MGAM2: variants seen among roughly 807,000 people sequenced by gnomAD.
MGAM2 encodes the protein probable maltase-glucoamylase 2.
MGAM2 carries 98 observed loss-of-function variants against 96.1 expected under a neutral mutation model. That is an observed-to-expected ratio of 1.02 (90% CI 0.87 to 1.21). MGAM2 has a LOEUF of 1.21. MGAM2 is among the 50% of genes most tolerant of loss of function. The probability of loss-of-function intolerance (pLI) is 0.00; values close to 1 mark genes in which losing one functional copy is unlikely to be tolerated. For missense variants in MGAM2, 2,055 were observed against 1,182.4 expected, an observed-to-expected ratio of 1.74 and a Z score of -10.82; for synonymous variants, 749 against 414.8, an observed-to-expected ratio of 1.81 and a Z score of -9.79.
chr7:142,186,110 A>C lies in MGAM2; in HGVS notation c.4109A>C (p.Asp1370Ala), dbSNP rs1308246336. The C allele has an allele frequency of 1.4e-6, 1 of 704,204 alleles. No individual in the cohort carries two copies. Among genetic ancestry groups the C allele is most frequent in the Non-Finnish European group, 2.6e-6 (1 of 384,572 alleles). 43.6% of individuals were successfully genotyped at this position (704,204 alleles called of 1,614,324 possible). ...GAGCCAGAGAAGAGCTTGAAGTTTG[A>C]TGGATTGTGGATTGTAAGTGCACCC... ...PREPEKSLKFDGLWIDMNEPS... is the reference protein window; with the variant it reads ...PREPEKSLKFAGLWIDMNEPS... The change falls in exon 35 of 48, where the codon GAT becomes GCT. Residue 1370 changes from aspartate to alanine, a missense_variant. Coordinates refer to ENST00000477922, the MANE Select transcript of MGAM2 (RefSeq NM_001293626.2).
At chr7:142,113,311 G>T (rs996451731) in intron 1 of MGAM2, among the ~76,000 whole-genome samples, 1 of 152,092 alleles carries the variant, frequency 6.6e-6, no homozygotes, top group Non-Finnish European at 1.5e-5. Flanking sequence ...AGCAGCTGGG[G>T]TTAGGACGTG....
Position 142,220,835 on chromosome 7 carries a change from T to A in MGAM2, c.6324T>A (p.Ser2108Arg). 1.4e-6 allele frequency: 1 copy of A among 702,118 alleles called. No homozygotes were observed. The allele number at this position is 702,118 out of a possible 1,614,324, so 43.5% of individuals were successfully genotyped here. A position where few individuals can be genotyped will look rare whatever the true frequency, so the allele number is the denominator to read the frequency against. The change falls in exon 48 of 48, where the codon AGT becomes AGA. Residue 2108 changes from serine (S) to arginine (R), a missense_variant. Coordinates refer to ENST00000477922, the MANE Select transcript of MGAM2 (RefSeq NM_001293626.2). ...VPISVTPSLT[S>R]TADATISTTV... ...TTTCAGTGACTCCTTCTCTGACAAG[T>A]ACTGCTGATGCCACCATTAGTACTA...
intron 15 of MGAM2, among the ~76,000 whole-genome samples, chr7:142,152,609 C>T (rs1795612789): frequency 6.6e-6 from 1 of 152,108 alleles, no homozygotes; most frequent in Non-Finnish European, 1.5e-5. Context: ...GAGGAATTGC[C>T]TGGTGCCTGG....
intron 23 of MGAM2, among the ~76,000 whole-genome samples, chr7:142,164,511 A>G (rs1795975443): frequency 6.6e-6 from 1 of 152,114 alleles, no homozygotes. Flanking sequence ...GTATATGTGT[A>G]TGTCTTTATC....
At chr7:142,112,568 T>C (rs1817209897) in intron 1 of MGAM2, among the ~76,000 whole-genome samples, 2 of 152,164 alleles carry the variant, frequency 1.3e-5, no homozygotes, top group Admixed American at 6.5e-5. Context: ...CCTACTTCTT[T>C]CTCTACCTGA....
intron 46 of MGAM2, among the ~76,000 whole-genome samples, chr7:142,213,977 T>G (rs764160835): frequency 5.4e-4 from 83 of 152,318 alleles, no homozygotes; most frequent in Non-Finnish European, 9.7e-4. Flanking sequence ...GTTGGCTTCA[T>G]CCTTGGGATG....
chr7:142,201,542 G>T (rs1797233810), intron 45 of MGAM2, among the ~76,000 whole-genome samples: 1 of 152,180 alleles, frequency 6.6e-6, no homozygotes, highest in African/African-American at 2.4e-5. Context: ...AATGTGTACA[G>T]TTGTATAGCC....
At chr7:142,133,849 C>T (rs1180095212) in intron 6 of MGAM2, 132 bp from the exon 7 acceptor site, 3 of 523,106 alleles carry the variant, frequency 5.7e-6, no homozygotes, top group Non-Finnish European at 1.0e-5. Flanking sequence ...GAAAGGCCTT[C>T]AAAGGTAGCA....
chr7:142,114,062 C>T (rs1180921354), intron 1 of MGAM2, among the ~76,000 whole-genome samples: 4 of 150,892 alleles, frequency 2.7e-5, no homozygotes, highest in East Asian at 3.9e-4. Context: ...ACCTGGGTGG[C>T]GGAGGTTGCG....
At position 142,222,215 on chromosome 7, in the gene MGAM2, AC is replaced by A. The variant is rs1797954522; in HGVS notation, c.*157del. ...CATAAAAGACACAGCTACTCCAAAC[AC>A]TCTCGTCATTGCAGACATGTTTAGG... On this transcript the variant is annotated 3_prime_UTR_variant, in exon 48 of 48. Transcript: ENST00000477922. 2.5e-6 allele frequency: 1 copy of A among 393,634 alleles called. No homozygotes were observed. The highest frequency in any genetic ancestry group is 1.4e-4 in the South Asian group (1 of 6,990). 24.4% of individuals were successfully genotyped at this position (393,634 alleles called of 1,614,324 possible). A position where few individuals can be genotyped will look rare whatever the true frequency, so the allele number is the denominator to read the frequency against.
In MGAM2 at chr7:142,136,786, T is replaced by A; in HGVS notation, c.847+146T>A. ...TTTTATTGAAACTGGAACCTGAAAG[T>A]AGGTTAATCTGTCTACAAATCCAGG... is the stretch of plus-strand genomic sequence containing the variant. On this transcript the variant is annotated intron_variant, in intron 8 of 47. Transcript: ENST00000477922. The A allele has an allele frequency of 7.4e-6, 4 of 538,834 alleles. No homozygotes were observed. The East Asian group carries it at 8.8e-5, about 12-fold the overall frequency. The allele number at this position is 538,834 out of a possible 1,614,324, so 33.4% of individuals were successfully genotyped here.
At chr7:142,121,031 T>C (rs1006980715) in intron 3 of MGAM2, among the ~76,000 whole-genome samples, 3 of 152,246 alleles carry the variant, frequency 2.0e-5, no homozygotes, top group Non-Finnish European at 4.4e-5. Flanking sequence ...TTCTAAATTC[T>C]ATATCTTCTT....
At chr7:142,195,087 T>C (rs1465639651) in intron 37 of MGAM2, among the ~76,000 whole-genome samples, 2 of 152,176 alleles carry the variant, frequency 1.3e-5, no homozygotes, top group Non-Finnish European at 2.9e-5. Context: ...GAGTGAATAT[T>C]TCCAAAATGC....
intron 34 of MGAM2, among the ~76,000 whole-genome samples, chr7:142,185,584 CCCTGGATGACAGTCCT>C (rs1162681419): frequency 6.6e-6 from 1 of 151,954 alleles, no homozygotes; most frequent in Non-Finnish European, 1.5e-5. Context: ...GTTCACTTGC[CCCTGGATGACAGTCCT>C]CCTTCATCTC....
At chr7:142,117,534 A>G (rs911930817) in intron 2 of MGAM2, among the ~76,000 whole-genome samples, 1 of 152,160 alleles carries the variant, frequency 6.6e-6, no homozygotes, top group African/African-American at 2.4e-5. Context: ...TGTGTAGTTC[A>G]AAAATGTATT....
chr7:142,185,205 T>C, intron 34 of MGAM2, 66 bp downstream of exon 34: 1 of 686,670 alleles, frequency 1.5e-6, no homozygotes, highest in South Asian at 1.6e-5. Context: ...TTTTTTATCC[T>C]GATGAATAAG....
At chr7:142,183,230 T>G in intron 32 of MGAM2, 36 bp from the exon 33 acceptor site, 4 of 686,768 alleles carry the variant, frequency 5.8e-6, no homozygotes, top group Non-Finnish European at 1.1e-5. Context: ...AGAGATGTTT[T>G]CCTCACATTT....
intron 3 of MGAM2, among the ~76,000 whole-genome samples, chr7:142,126,044 T>A (rs1301273538): frequency 6.6e-6 from 1 of 152,166 alleles, no homozygotes; most frequent in Non-Finnish European, 1.5e-5. Flanking sequence ...TTGATTATAC[T>A]ATATATTTTT....
At chr7:142,171,775 G>A (rs1425899869) in intron 28 of MGAM2, among the ~76,000 whole-genome samples, 1 of 150,356 alleles carries the variant, frequency 6.7e-6, no homozygotes, top group African/African-American at 2.4e-5. Flanking sequence ...GTGCTTATCT[G>A]TACATTTAAT....
Sources: allele counts gnomAD v4.1 joint callset (sites outside exome capture counted in the v4.1 genomes callset), GRCh38; gene constraint gnomAD v4.1.1; transcripts MANE v1.5; gene names NCBI Gene and HGNC (gene_info 2026-07-23, HGNC 2026-07-21).